Variants in UBR4 observed in about 807,000 individuals in gnomAD.
The protein encoded by UBR4 is E3 ubiquitin-protein ligase UBR4.
A neutral mutation model predicts 575.6 loss-of-function variants in UBR4; 124 were observed. The ratio of observed to expected loss-of-function variants is 0.22; its 90% CI spans 0.19 to 0.25. The LOEUF is 0.25. Among genes scored for constraint, UBR4 ranks in the 10% least tolerant of loss-of-function variants. The pLI, the probability that UBR4 is intolerant of heterozygous loss-of-function variation, is 1.00. For missense variants in UBR4, 4,818 were observed against 6,478.8 expected, an observed-to-expected ratio of 0.74 and a Z score of 8.80; for synonymous variants, 2,455 against 2,473.7, an observed-to-expected ratio of 0.99 and a Z score of 0.22.
intron 30 of UBR4, 89 bp from the exon 31 acceptor site, chr1:19,165,438 G>T: frequency 2.4e-6 from 3 of 1,249,376 alleles, no homozygotes; most frequent in Non-Finnish European, 3.4e-6. Flanking sequence ...ATCTCCTCTG[G>T]GGAAAATGAC....
chr1:19,110,298 C>T lies in UBR4; in HGVS notation c.11978-75G>A. ...TGCTCTGCAGAGGCCGCCCAAGCAT[C>T]AGTTTCCCTCCTCCCCTCCCAGTCC... On this transcript the variant is annotated intron_variant, in intron 80 of 105. Coordinates refer to ENST00000375254, the MANE Select transcript of UBR4 (RefSeq NM_020765.3). This position sits in a 1 kb window ranked among gnomAD's most constrained non-coding sequence, Gnocchi z 4.5. The T allele has an allele frequency of 6.2e-7, 1 of 1,612,918 alleles. No homozygotes were observed. The highest frequency in any genetic ancestry group is 1.1e-5 in the South Asian group (1 of 90,994).
intron 8 of UBR4, among the ~76,000 whole-genome samples, chr1:19,196,483 G>A (rs542475021): frequency 3.9e-5 from 6 of 152,110 alleles, no homozygotes; most frequent in South Asian, 2.1e-4. Flanking sequence ...GATATGTCTC[G>A]GAACTTAAAG....
chr1:19,112,895 G>A (rs2080055764), intron 77 of UBR4, 28 bp from the exon 78 acceptor site: 1 of 1,519,164 alleles, frequency 6.6e-7, no homozygotes, highest in Non-Finnish European at 8.8e-7. Flanking sequence ...ACAATAATGG[G>A]AATTAGCAAT....
chr1:19,076,523 G>A (rs753303098), intron 105 of UBR4, among the ~76,000 whole-genome samples: 1 of 152,166 alleles, frequency 6.6e-6, no homozygotes, highest in Non-Finnish European at 1.5e-5. Context: ...AGCCCATGTC[G>A]GGGAAAGAGG....
At chr1:19,126,775 T>G (rs2081846830) in intron 63 of UBR4, 120 bp from the exon 64 acceptor site, 2 of 1,054,016 alleles carry the variant, frequency 1.9e-6, no homozygotes, top group Admixed American at 2.5e-5. Context: ...TGGCAGTGAG[T>G]GAATCAGGCT....
At position 19,137,166 on chromosome 1, in the gene UBR4, A is replaced by G. The variant is rs12069131; in HGVS notation, c.8906+841T>C. Among the ~76,000 whole-genome samples, 1,349 of 151,994 alleles carry G rather than the reference A, an allele frequency of 8.9e-3. 18 individuals carry two copies. The highest frequency in any genetic ancestry group is 0.031 in the African/African-American group (1,273 of 41,444). On this transcript the variant is annotated intron_variant, in intron 60 of 105. Transcript: ENST00000375254. Reference sequence around the variant, plus strand: ...AATACAAAAATTGGCCGGGCGTGGTACCGCACACCTGTAGTCCCAGCAACT... The same window carrying G: ...AATACAAAAATTGGCCGGGCGTGGTGCCGCACACCTGTAGTCCCAGCAACT...
In UBR4 at chr1:19,093,037, T is replaced by G. The variant is rs2077680090; in HGVS notation, c.14112-119A>C. ...ATGATTAACCGTGACCCTCTCCGAG[T>G]GTCATAAAGAATCACATAGAACCAC... On this transcript the variant is annotated intron_variant, in intron 96 of 105. Coordinates refer to ENST00000375254, the MANE Select transcript of UBR4 (RefSeq NM_020765.3). This position sits in a 1 kb window ranked among gnomAD's most constrained non-coding sequence, Gnocchi z 4.8. The G allele has an allele frequency of 2.1e-6, 2 of 963,524 alleles. No individual in the cohort carries two copies. The highest frequency in any genetic ancestry group is 3.3e-5 in the African/African-American group (2 of 60,974). The allele number at this position is 963,524 out of a possible 1,614,324, so 59.7% of individuals were successfully genotyped here.
At chr1:19,132,604 G>GAAAAA (rs1557716278) in intron 60 of UBR4, among the ~76,000 whole-genome samples, 3 of 19,918 alleles carry the variant, frequency 1.5e-4, no homozygotes, top group East Asian at 3.0e-3. Flanking sequence ...GTAAAAAATG[G>GAAAAA]TAAAAAAAAA....
At chr1:19,199,582 T>TA in intron 3 of UBR4, 69 bp downstream of exon 3, 1 of 1,435,666 alleles carries the variant, frequency 7.0e-7, no homozygotes, top group Non-Finnish European at 9.7e-7. Flanking sequence ...CACTGACCTC[T>TA]ACTCTATTCC....
Position 19,165,565 on chromosome 1 carries a change from T to C in UBR4, c.4211+91A>G, listed in dbSNP as rs796435928. On this transcript the variant is annotated intron_variant, in intron 30 of 105. Transcript: ENST00000375254. The stretch of plus-strand genomic sequence containing the variant: ...CACCTAACCAGGCCTTAAATATTGC[T>C]GATAATAAGTACCTAAATCAACATA... The C allele has an allele frequency of 2.9e-5, 39 of 1,366,648 alleles. 1 individual carries two copies. In the African/African-American group the frequency reaches 5.4e-4, roughly 19 times the overall value. The allele number at this position is 1,366,648 out of a possible 1,614,324, so 84.7% of individuals were successfully genotyped here.
At chr1:19,095,766 G>GTCCTCTTC in intron 92 of UBR4, 114 bp from the exon 93 acceptor site, 1 of 900,170 alleles carries the variant, frequency 1.1e-6, no homozygotes, top group Admixed American at 2.1e-5. Flanking sequence ...GGCTCCTCCT[G>GTCCTCTTC]AAATGAAGAG....
Position 19,197,245 on chromosome 1 carries a change from T to A in UBR4, c.914A>T (p.Asp305Val). The change falls in exon 8 of 106, where the codon GAT (aspartate) becomes GTT (valine). Residue 305 changes from aspartate (D) to valine (V), a missense_variant. By Grantham distance (152) the Asp-to-Val change is radical. Coordinates refer to ENST00000375254, the MANE Select transcript of UBR4 (RefSeq NM_020765.3). ...AAGGGTATCCAATGCCATAGTTACA[T>A]CAATCACCAATGAATGAAAGCTGGA... is the stretch of plus-strand genomic sequence containing the variant. ...VRNGFHSLVI[D>V]VTMALDTLSL... 3 of 1,614,176 alleles carry A rather than the reference T, an allele frequency of 1.9e-6. No individual in the cohort carries two copies. Among genetic ancestry groups the A allele is most frequent in the Non-Finnish European group, 1.7e-6 (2 of 1,180,020 alleles).
chr1:19,149,868 A>G (rs1384896405), intron 49 of UBR4: 1 of 1,217,832 alleles, frequency 8.2e-7, no homozygotes, highest in Non-Finnish European at 1.1e-6. Context: ...AACACATCCT[A>G]AGCAAACCAT....
rs763104785 is a variant in UBR4, at chr1:19,115,502, G to A, written c.10959C>T (p.Ala3653=). ...EFADFYENYQ[A]STETLQCPRC... ...GAGGGCACTGCAGGGTCTCTGTGGA[G>A]GCCTGGTAGTTTTCATAGAAGTCTG... Residue 3653 remains alanine, a synonymous_variant, in exon 74 of 106, where the codon GCC becomes GCT. Coordinates refer to ENST00000375254, the MANE Select transcript of UBR4 (RefSeq NM_020765.3). The A allele has an allele frequency of 1.9e-6, 3 of 1,614,236 alleles. No homozygotes were observed. In the South Asian group the frequency reaches 3.3e-5, roughly 18 times the overall value.
intron 74 of UBR4, 100 bp downstream of exon 74, chr1:19,115,298 C>T: frequency 6.7e-7 from 1 of 1,493,044 alleles, no homozygotes; most frequent in Non-Finnish European, 8.9e-7. Flanking sequence ...TCTAAATGTT[C>T]TGAGGGAATC....
chr1:19,188,767 A>T (rs1196744242), intron 11 of UBR4, among the ~76,000 whole-genome samples: 1 of 152,158 alleles, frequency 6.6e-6, no homozygotes, highest in Admixed American at 6.5e-5. Flanking sequence ...CAAGAGTGCA[A>T]GACCAGCCTG....
chr1:19,158,802 TG>T (rs1391549263), intron 39 of UBR4, among the ~76,000 whole-genome samples: 3 of 151,942 alleles, frequency 2.0e-5, no homozygotes, highest in Non-Finnish European at 4.4e-5. Context: ...AGAATATATA[TG>T]GGTATGTATG....
Position 19,177,598 on chromosome 1 carries a change from C to T in UBR4, c.2500G>A (p.Val834Ile). 1 of 1,612,630 alleles carries T rather than the reference C, an allele frequency of 6.2e-7. No individual in the cohort carries two copies. Among genetic ancestry groups the T allele is most frequent in the Non-Finnish European group, 8.5e-7 (1 of 1,179,652 alleles). Residue 834 changes from valine to isoleucine, a missense_variant, in exon 19 of 106, where the codon GTC becomes ATC. By Grantham distance (29) the Val-to-Ile change is conservative (BLOSUM62 3). Coordinates refer to ENST00000375254, the MANE Select transcript of UBR4 (RefSeq NM_020765.3). ...TGRRAILSLF[V>I]QIIQELSVNM... The stretch of plus-strand genomic sequence containing the variant: ...ACGCTCAACTCCTGGATGATCTGGA[C>T]AAAAAGCGACAATATGGCCCGCCGG...
At chr1:19,128,121 G>T in intron 62 of UBR4, 90 bp downstream of exon 62, 1 of 1,246,534 alleles carries the variant, frequency 8.0e-7, no homozygotes. Flanking sequence ...CCCTTGAAAC[G>T]AGGTGAAGTT....
Sources: allele counts gnomAD v4.1 joint callset (sites outside exome capture counted in the v4.1 genomes callset), GRCh38; gene constraint gnomAD v4.1.1; non-coding constraint Gnocchi (gnomAD v3.1); transcripts MANE v1.5; gene names NCBI Gene and HGNC (gene_info 2026-07-23, HGNC 2026-07-21).